The following MTUS1 variants were observed in gnomAD, a reference collection of about 807,000 sequenced individuals.
MTUS1 encodes microtubule associated scaffold protein 1.
In MTUS1, 109 loss-of-function variants were observed where a neutral mutation model predicts 120.8. That is an observed-to-expected ratio of 0.90 (90% confidence interval 0.77 to 1.06). The LOEUF (loss-of-function observed/expected upper bound fraction) is 1.06. Among genes scored for constraint, MTUS1 ranks in the 50% least tolerant of loss-of-function variants. The pLI, the probability that MTUS1 is intolerant of heterozygous loss-of-function variation, is 0.00. For missense variants in MTUS1, 2,210 were observed against 1,486.3 expected (o/e 1.49, Z -8.01); for synonymous variants, 737 against 550.5 (o/e 1.34, Z -4.74).
chr8:17,747,813 G>T (rs1343851385), intron 2 of MTUS1, among the ~76,000 whole-genome samples: 2 of 152,108 alleles, frequency 1.3e-5, no homozygotes, highest in Non-Finnish European at 2.9e-5. Context: ...GGTTTAATTG[G>T]ACTTAAGAGT....
intron 4 of MTUS1, chr8:17,722,555 A>G: frequency 1.0e-6 from 1 of 985,418 alleles, no homozygotes; most frequent in Non-Finnish European, 1.2e-6. Flanking sequence ...GTGCCAGGGT[A>G]TGCAGCTACT....
intron 8 of MTUS1, among the ~76,000 whole-genome samples, chr8:17,668,445 A>G (rs947287493): frequency 6.6e-6 from 1 of 152,196 alleles, no homozygotes; most frequent in Admixed American, 6.5e-5. Flanking sequence ...ATGACTCTGG[A>G]AAGAATCTTA....
At chr8:17,742,528 T>G (rs1245242648) in intron 3 of MTUS1, among the ~76,000 whole-genome samples, 3 of 152,130 alleles carry the variant, frequency 2.0e-5, no homozygotes, top group East Asian at 1.9e-4. Context: ...TCCCAGATGA[T>G]GAACACTCCA....
intron 1 of MTUS1, among the ~76,000 whole-genome samples, chr8:17,781,652 C>T (rs1239013880): frequency 6.6e-6 from 1 of 152,194 alleles, no homozygotes; most frequent in African/African-American, 2.4e-5. Flanking sequence ...CCTCCCCCTA[C>T]ACACGCCAAG....
intron 2 of MTUS1, among the ~76,000 whole-genome samples, chr8:17,744,771 C>T (rs190926054): frequency 2.0e-5 from 3 of 146,834 alleles, no homozygotes; most frequent in Non-Finnish European, 4.5e-5. Context: ...GTCTCAAACT[C>T]CACACTTCGT....
intron 2 of MTUS1, among the ~76,000 whole-genome samples, chr8:17,749,659 CAAAAA>C (rs768210060): frequency 1.3e-5 from 1 of 76,412 alleles, no homozygotes; most frequent in Non-Finnish European, 2.7e-5. Context: ...GAATCTGTCT[CAAAAA>C]AAAAAAAAAA....
chr8:17,671,501 A>G (rs2130597901), intron 8 of MTUS1, among the ~76,000 whole-genome samples: 1 of 152,362 alleles, frequency 6.6e-6, no homozygotes, highest in Middle Eastern at 3.4e-3. Context: ...TTTCTGCAGA[A>G]GCAAAGAACC....
At chr8:17,664,781 G>A (rs1022545564) in intron 8 of MTUS1, among the ~76,000 whole-genome samples, 22 of 152,116 alleles carry the variant, frequency 1.4e-4, no homozygotes, top group Admixed American at 1.1e-3. Flanking sequence ...CATGGCAAGC[G>A]ACTATGTAGG....
intron 3 of MTUS1, among the ~76,000 whole-genome samples, chr8:17,743,358 T>G (rs1023197429): frequency 6.6e-6 from 1 of 152,242 alleles, no homozygotes; most frequent in Non-Finnish European, 1.5e-5. Context: ...TGTATATTTA[T>G]GTACACATCC....
At chr8:17,776,267 T>G (rs1256404920) in intron 1 of MTUS1, among the ~76,000 whole-genome samples, 1 of 152,040 alleles carries the variant, frequency 6.6e-6, no homozygotes, top group Non-Finnish European at 1.5e-5. Context: ...GATGTGTTTT[T>G]ATATGCAAAG....
intron 2 of MTUS1, among the ~76,000 whole-genome samples, chr8:17,745,549 AC>A (rs1310220386): frequency 6.6e-6 from 1 of 152,198 alleles, no homozygotes; most frequent in Non-Finnish European, 1.5e-5. Context: ...TTTCATTTTT[AC>A]TATGAAACAA....
chr8:17,741,429 G>A, intron 3 of MTUS1, among the ~76,000 whole-genome samples: 1 of 152,148 alleles, frequency 6.6e-6, no homozygotes. Context: ...TTTCCATTCA[G>A]ATACAGAAAA....
chr8:17,788,719 A>C (rs2131570239), intron 1 of MTUS1, among the ~76,000 whole-genome samples: 1 of 152,314 alleles, frequency 6.6e-6, no homozygotes, highest in East Asian at 1.9e-4. Flanking sequence ...ACAATTCTAA[A>C]TACTCCTCCC....
rs1253243903 is a variant in MTUS1 at position 17,675,201 on chromosome 8, G to A, written c.2890C>T (p.Leu964Phe). 7 of 1,613,998 alleles carry A rather than the reference G, an allele frequency of 4.3e-6. No homozygotes were observed. Among genetic ancestry groups the A allele is most frequent in the East Asian group, 2.2e-5 (1 of 44,898 alleles). ...AAGCTCTTACCTAGCTCTCCCCGGA[G>A]GTTAACAAGTTCTTGAGATAGGGTT... ...HKTLSQELVN[L>F]RGELVTASTT... The change falls in exon 8 of 15, where the codon CTC becomes TTC. Residue 964 changes from leucine to phenylalanine, a missense_variant. Leu to Phe is a conservative substitution (Grantham distance 22). Coordinates refer to ENST00000693296, the MANE Select transcript of MTUS1 (RefSeq NM_001363059.2).
intron 1 of MTUS1, 24 bp from the exon 2 acceptor site, chr8:17,755,985 T>C: frequency 7.2e-7 from 1 of 1,385,290 alleles, no homozygotes; most frequent in Non-Finnish European, 9.4e-7. Flanking sequence ...AATGTTTAAC[T>C]CAAGTAACTA....
chr8:17,758,601 G>C (rs2048802339), intron 1 of MTUS1, among the ~76,000 whole-genome samples: 2 of 152,098 alleles, frequency 1.3e-5, no homozygotes, highest in South Asian at 4.2e-4. Context: ...TCATTTTTAG[G>C]CTTACATGCA....
In MTUS1 at chr8:17,697,252, C is replaced by T; in HGVS notation, c.2624-12710G>A. Reference sequence around the variant, plus strand: ...ACACTAAACAGAGATCTATGCGAGACAGACCTGTGTGGAAAACAACAGTGC... The same window carrying T: ...ACACTAAACAGAGATCTATGCGAGATAGACCTGTGTGGAAAACAACAGTGC... On this transcript the variant is annotated intron_variant, in intron 6 of 14. Transcript: ENST00000693296. 1.9e-6 allele frequency: 3 copies of T among 1,613,054 alleles called. No homozygotes were observed. The highest frequency in any genetic ancestry group is 2.5e-6 in the Non-Finnish European group (3 of 1,179,328).
chr8:17,703,267 A>G (rs1413400599), intron 6 of MTUS1, among the ~76,000 whole-genome samples: 1 of 152,030 alleles, frequency 6.6e-6, no homozygotes, highest in Non-Finnish European at 1.5e-5. Flanking sequence ...TAATATTAAG[A>G]CCCTAGGAAA....
intron 3 of MTUS1, among the ~76,000 whole-genome samples, chr8:17,734,442 G>C (rs950043466): frequency 3.3e-5 from 5 of 152,194 alleles, no homozygotes; most frequent in Admixed American, 2.6e-4. Context: ...TAAGACTGCA[G>C]TAATTTGACA....
Sources: allele counts gnomAD v4.1 joint callset (sites outside exome capture counted in the v4.1 genomes callset), GRCh38; gene constraint gnomAD v4.1.1; transcripts MANE v1.5; gene names NCBI Gene and HGNC (gene_info 2026-07-23, HGNC 2026-07-21).